NUMBL: variants seen among roughly 807,000 people sequenced by gnomAD.
The protein encoded by NUMBL is NUMB like endocytic adaptor protein.
A neutral mutation model predicts 48.9 loss-of-function variants in NUMBL; 20 were observed. The ratio of observed to expected loss-of-function variants is 0.41; its 90% CI spans 0.29 to 0.59. The LOEUF (loss-of-function observed/expected upper bound fraction) is 0.59. Among genes scored for constraint, NUMBL ranks in the 20% least tolerant of loss-of-function variants. NUMBL has a pLI of 0.31. For synonymous variants in NUMBL, 340 were observed against 348.7 expected (o/e 0.98, Z 0.28); for missense variants, 660 against 846.2 (o/e 0.78, Z 2.73).
chr19:40,682,673 T>C lies in NUMBL; in HGVS notation c.399+55A>G, dbSNP rs971746558. 6 of 1,571,582 alleles carry C rather than the reference T, an allele frequency of 3.8e-6. No individual in the cohort carries two copies. In the African/African-American group the frequency reaches 8.1e-5, roughly 21 times the overall value. ...GGCGGGAAGGTGTCCTCCGCCCTGA[T>C]TCCAGCAGGGTGAGCAGACAGGCCC... On this transcript the variant is annotated intron_variant, in intron 5 of 9. Coordinates refer to ENST00000252891, the MANE Select transcript of NUMBL (RefSeq NM_004756.5). This position sits in a 1 kb window ranked among gnomAD's most constrained non-coding sequence, Gnocchi z 4.0.
Position 40,673,494 on chromosome 19 carries a change from G to A in NUMBL, c.886C>T (p.Pro296Ser). The A allele has an allele frequency of 6.3e-7, 1 of 1,589,368 alleles. No homozygotes were observed. Among genetic ancestry groups the A allele is most frequent in the Non-Finnish European group, 8.6e-7 (1 of 1,168,196 alleles). Residue 296 changes from proline (P) to serine (S), a missense_variant, in exon 8 of 10, where the codon CCC becomes TCC. Around this residue, in one of 3 missense-constraint regions of NUMBL, gnomAD observed 278 missense variants for 420.6 expected, o/e 0.66. Coordinates refer to ENST00000252891, the MANE Select transcript of NUMBL (RefSeq NM_004756.5). This position sits in a 1 kb window ranked among gnomAD's most constrained non-coding sequence, Gnocchi z 5.9. ...TAAAIPRRHAPLEQLVRQGSF... is the reference protein window; with the variant it reads ...TAAAIPRRHASLEQLVRQGSF... Reference sequence around the variant, plus strand: ...CCCTGGCGAACCAGCTGCTCCAGGGGTGCATGGCGCCGGGGGATGGCGGCC... The same window carrying A: ...CCCTGGCGAACCAGCTGCTCCAGGGATGCATGGCGCCGGGGGATGGCGGCC...
In NUMBL at chr19:40,668,002, C is replaced by A; in HGVS notation, c.1296G>T (p.Gln432His). 8 of 872,178 alleles carry A rather than the reference C, an allele frequency of 9.2e-6. No individual in the cohort carries two copies. Among genetic ancestry groups the A allele is most frequent in the Non-Finnish European group, 1.2e-5 (8 of 654,562 alleles). 54.0% of individuals were successfully genotyped at this position (872,178 alleles called of 1,614,324 possible). Reference protein sequence around the residue: ...QVAKAQQQQQQQQQQQQQQQQ... With the variant: ...QVAKAQQQQQHQQQQQQQQQQ... ...GCTGCTGCTGCTGCTGTTGCTGTTGCTGCTGCTGCTGCTGCTGGGCCTTGG... is the reference window on the plus strand; with the variant it reads ...GCTGCTGCTGCTGCTGTTGCTGTTGATGCTGCTGCTGCTGCTGGGCCTTGG... The change falls in exon 10 of 10, where the codon CAG becomes CAT. Residue 432 changes from glutamine (Q) to histidine (H), a missense_variant. Physicochemically the swap from Gln to His is conservative, Grantham distance 24 (BLOSUM62 0). Coordinates refer to ENST00000252891, the MANE Select transcript of NUMBL (RefSeq NM_004756.5).
At chr19:40,690,037 T>C (rs900660965) in intron 1 of NUMBL, 1 of 156,964 alleles carries the variant, frequency 6.4e-6, no homozygotes, top group African/African-American at 2.4e-5. Flanking sequence ...CTCGAGACCG[T>C]ACCTAGGCAG....
chr19:40,684,386 C>G (rs1278203589), intron 3 of NUMBL, 31 bp downstream of exon 3: 1 of 1,536,000 alleles, frequency 6.5e-7, no homozygotes, highest in African/African-American at 1.4e-5. Context: ...CCGTCCCCCT[C>G]GCCCCGCCGC....
At chr19:40,689,206 T>C (rs2081949463) in intron 1 of NUMBL, among the ~76,000 whole-genome samples, 1 of 152,048 alleles carries the variant, frequency 6.6e-6, no homozygotes, top group African/African-American at 2.4e-5. Context: ...CAACACATAC[T>C]GTCACATACC....
chr19:40,680,593 T>C (rs1050499233), intron 6 of NUMBL, among the ~76,000 whole-genome samples: 1 of 151,998 alleles, frequency 6.6e-6, no homozygotes. Flanking sequence ...GGACTACAGG[T>C]GTGCACCACC....
rs764197918 is a variant in NUMBL at position 40,673,640 on chromosome 19, G to C, written c.740C>G (p.Ala247Gly). Reference sequence around the variant, plus strand: ...GCCAGGAGCCACAGTGGGGGCAGCTGCTGCCTCTGCTGGAGACATGGGGGA... The same window carrying C: ...GCCAGGAGCCACAGTGGGGGCAGCTCCTGCCTCTGCTGGAGACATGGGGGA... ...EAPDKKKAEAAAAPTVAPGPA... is the reference protein window; with the variant it reads ...EAPDKKKAEAGAAPTVAPGPA... Residue 247 changes from alanine (A) to glycine (G), a missense_variant, in exon 8 of 10, where the codon GCA becomes GGA. Ala to Gly is a moderately conservative substitution (Grantham distance 60, BLOSUM62 0). This residue lies in a region of NUMBL where 278 missense variants were observed against 420.6 expected (regional missense o/e 0.66). Transcript: ENST00000252891. This position sits in a 1 kb window ranked among gnomAD's most constrained non-coding sequence, Gnocchi z 5.9. The C allele has an allele frequency of 2.8e-5, 41 of 1,487,290 alleles. No individual in the cohort carries two copies. In the South Asian group the frequency reaches 5.3e-4, roughly 19 times the overall value. The allele number at this position is 1,487,290 out of a possible 1,614,324, so 92.1% of individuals were successfully genotyped here.
chr19:40,676,246 T>C (rs2081875457), intron 7 of NUMBL, among the ~76,000 whole-genome samples: 1 of 152,004 alleles, frequency 6.6e-6, no homozygotes, highest in South Asian at 2.1e-4. Flanking sequence ...AAAATAAAAT[T>C]AGCCAGATGC....
In NUMBL at chr19:40,683,164, C is replaced by G. The variant is rs1420334206; in HGVS notation, c.250-196G>C. 4 of 637,328 alleles carry G rather than the reference C, an allele frequency of 6.3e-6. No homozygotes were observed. In the East Asian group the frequency reaches 1.1e-4, roughly 17 times the overall value. The allele number at this position is 637,328 out of a possible 1,614,324, so 39.5% of individuals were successfully genotyped here. ...AGACATGCAGATGGGGAAACTGAAG[C>G]ACAGCACGTAGTAGTGATTCCAGTC... On this transcript the variant is annotated intron_variant, in intron 3 of 9. Coordinates refer to ENST00000252891, the MANE Select transcript of NUMBL (RefSeq NM_004756.5).
chr19:40,681,361 G>A lies in NUMBL; in HGVS notation c.400-304C>T, dbSNP rs539244554. Among the ~76,000 whole-genome samples, 13 of 152,292 alleles carry A rather than the reference G, an allele frequency of 8.5e-5. No homozygotes were observed. The East Asian group carries it at 2.1e-3, about 25-fold the overall frequency. On this transcript the variant is annotated intron_variant, in intron 5 of 9. Coordinates refer to ENST00000252891, the MANE Select transcript of NUMBL (RefSeq NM_004756.5). ...GGCCAGCATGGCAGAAGCCAGCTTGGGGTCAGTCAGGCAAGGCTTCCTGGA... is the reference window on the plus strand; with the variant it reads ...GGCCAGCATGGCAGAAGCCAGCTTGAGGTCAGTCAGGCAAGGCTTCCTGGA...
In NUMBL at chr19:40,676,644, A is replaced by G. The variant is rs1456567083; in HGVS notation, c.730+588T>C. Among the ~76,000 whole-genome samples the G allele has an allele frequency of 2.7e-5, 4 of 148,914 alleles. No homozygotes were observed. In the Admixed American group the frequency reaches 2.7e-4, roughly 10 times the overall value. On this transcript the variant is annotated intron_variant, in intron 7 of 9. Transcript: ENST00000252891. ...GAGGTGGAGGTTGCAGTGAGCCTAG[A>G]TCACACCATTGCACTCCAGCCTGGT...
intron 8 of NUMBL, among the ~76,000 whole-genome samples, 189 bp from the exon 9 acceptor site, chr19:40,670,209 G>T (rs550400168): frequency 6.6e-6 from 1 of 152,228 alleles, no homozygotes; most frequent in African/African-American, 2.4e-5. Flanking sequence ...GAACGACTGA[G>T]TTAGTGTGTG....
intron 8 of NUMBL, among the ~76,000 whole-genome samples, chr19:40,672,328 G>A (rs1208709198): frequency 6.6e-6 from 1 of 152,146 alleles, no homozygotes; most frequent in Non-Finnish European, 1.5e-5. Flanking sequence ...GGCTCCCCTG[G>A]CCAAGTGCTA....
Position 40,666,032 on chromosome 19 carries a change from CAG to C in NUMBL, c.*1434_*1435del, listed in dbSNP as rs1206141069. ...TTGCCACATCAGGTGACACTTTGGCCAGAGTTATGGAAAATGCTGACAAAACA... is the reference window on the plus strand; with the variant it reads ...TTGCCACATCAGGTGACACTTTGGCCAGTTATGGAAAATGCTGACAAAACA... On this transcript the variant is annotated 3_prime_UTR_variant, in exon 10 of 10. Transcript: ENST00000252891. 1.3e-5 allele frequency: 2 copies of C among 151,936 alleles called. No homozygotes were observed. Among genetic ancestry groups the C allele is most frequent in the Admixed American group, 6.6e-5 (1 of 15,244 alleles). 9.4% of individuals were successfully genotyped at this position (151,936 alleles called of 1,614,324 possible).
In NUMBL at chr19:40,673,579, G is replaced by A. The variant is rs1277776410; in HGVS notation, c.801C>T (p.Ala267=). The A allele has an allele frequency of 5.8e-6, 9 of 1,542,880 alleles. No individual in the cohort carries two copies. The highest frequency in any genetic ancestry group is 2.4e-5 in the East Asian group (1 of 40,826). ...AQPGHVSPTP[A]TTSPGEKGEA... ...CACCCTTCTCACCAGGGGATGTGGTGGCTGGTGTCGGGGACACGTGCCCAG... is the reference window on the plus strand; with the variant it reads ...CACCCTTCTCACCAGGGGATGTGGTAGCTGGTGTCGGGGACACGTGCCCAG... The change falls in exon 8 of 10, where the codon GCC becomes GCT. Residue 267 remains alanine, a synonymous_variant. Transcript: ENST00000252891. This position sits in a 1 kb window ranked among gnomAD's most constrained non-coding sequence, Gnocchi z 5.9.
chr19:40,680,776 C>T (rs979325665), intron 6 of NUMBL, 141 bp downstream of exon 6: 33 of 943,954 alleles, frequency 3.5e-5, no homozygotes, highest in South Asian at 7.7e-5. Flanking sequence ...AATTGGGAAC[C>T]GTGAGTATAC....
chr19:40,679,857 C>A (rs983032897), intron 6 of NUMBL, among the ~76,000 whole-genome samples: 3 of 151,892 alleles, frequency 2.0e-5, no homozygotes, highest in African/African-American at 7.3e-5. Context: ...GATGGGGTCT[C>A]CTTTAGCGGT....
In NUMBL at chr19:40,684,406, C is replaced by T. The variant is rs558199959; in HGVS notation, c.249+11G>A. The T allele has an allele frequency of 5.1e-5, 79 of 1,553,524 alleles. No homozygotes were observed. In the South Asian group the frequency reaches 7.8e-4, roughly 15 times the overall value. On this transcript the variant is annotated intron_variant, in intron 3 of 9. Coordinates refer to ENST00000252891, the MANE Select transcript of NUMBL (RefSeq NM_004756.5). ...CCCCTCGCCCCGCCGCACCCTGCCG[C>T]GCCCACTCACCCTGACCGGGAAGCT...
At position 40,681,028 on chromosome 19, in the gene NUMBL, C is replaced by T. The variant is rs1211539264; in HGVS notation, c.429G>A (p.Lys143=). The change falls in exon 6 of 10, where the codon AAG becomes AAA. Residue 143 remains lysine, a synonymous_variant. Coordinates refer to ENST00000252891, the MANE Select transcript of NUMBL (RefSeq NM_004756.5). ...KDLLVDQTIE[K]VSFCAPDRNL... ...TGCGGTCAGGAGCACAAAAGGAGAC[C>T]TTTTCGATGGTCTGGTCGACCAGAA... 6.2e-7 allele frequency: 1 copy of T among 1,614,166 alleles called. No individual in the cohort carries two copies. The highest frequency in any genetic ancestry group is 2.2e-5 in the East Asian group (1 of 44,876).
Sources: allele counts gnomAD v4.1 joint callset (sites outside exome capture counted in the v4.1 genomes callset), GRCh38; gene constraint gnomAD v4.1.1; regional missense constraint gnomAD v4.1.1; non-coding constraint Gnocchi (gnomAD v3.1); transcripts MANE v1.5; gene names NCBI Gene and HGNC (gene_info 2026-07-23, HGNC 2026-07-21).